The following HSD17B12 variants were observed in gnomAD, a reference collection of about 807,000 sequenced individuals.
HSD17B12 encodes hydroxysteroid 17-beta dehydrogenase 12.
HSD17B12 carries 32 observed loss-of-function variants against 39.3 expected under a neutral mutation model. The ratio of observed to expected loss-of-function variants is 0.81; its 90% CI spans 0.61 to 1.09. HSD17B12 has a LOEUF of 1.09. Ranked by LOEUF, HSD17B12 falls within the 50% of genes least tolerant of loss-of-function variation. HSD17B12 has a pLI of 0.00. For missense variants in HSD17B12, 342 were observed against 382.9 expected (o/e 0.89, Z 0.89); for synonymous variants, 150 against 146.7 (o/e 1.02, Z -0.16).
At chr11:43,850,594 A>G (rs1215997636) in intron 9 of HSD17B12, among the ~76,000 whole-genome samples, 1 of 152,184 alleles carries the variant, frequency 6.6e-6, no homozygotes, top group African/African-American at 2.4e-5. Flanking sequence ...ATGCCCTACC[A>G]TGTTAAGTTC....
chr11:43,744,174 G>C (rs1424410999), intron 1 of HSD17B12, among the ~76,000 whole-genome samples: 2 of 152,148 alleles, frequency 1.3e-5, no homozygotes, highest in African/African-American at 4.8e-5. Flanking sequence ...ATTCTAGGAA[G>C]AGAAAAATGT....
At chr11:43,678,361 A>G (rs1008451260), upstream of HSD17B12, among the ~76,000 whole-genome samples, 1 of 152,114 alleles carries the variant, frequency 6.6e-6, no homozygotes, top group African/African-American at 2.4e-5. Context: ...AGATTGCAAA[A>G]ATTTTCTCCC....
chr11:43,853,328 A>C (rs1404761426), intron 9 of HSD17B12: 2 of 102,510 alleles, frequency 2.0e-5, no homozygotes, highest in African/African-American at 4.0e-5. Flanking sequence ...TCTCGCTGAG[A>C]CTCTGTCTCA....
intron 4 of HSD17B12, among the ~76,000 whole-genome samples, chr11:43,810,485 G>C (rs1218838838): frequency 6.6e-6 from 1 of 151,600 alleles, no homozygotes; most frequent in East Asian, 1.9e-4. Flanking sequence ...GGTTCTGGAT[G>C]GGGGCCGAGG....
At chr11:43,736,998 A>C (rs576725565) in intron 1 of HSD17B12, among the ~76,000 whole-genome samples, 1 of 152,178 alleles carries the variant, frequency 6.6e-6, no homozygotes, top group African/African-American at 2.4e-5. Context: ...ATCATTTTCT[A>C]TTCCTACCAC....
In HSD17B12 at chr11:43,769,541, T is replaced by G. The variant is rs1054146302; in HGVS notation, c.283+15420T>G. ...TTCTCATTCCACTTCTAGATTGTGA[T>G]GTTGATATTTCTAACTGTTCACCCC... On this transcript the variant is annotated intron_variant, in intron 3 of 10. Transcript: ENST00000278353. Among the ~76,000 whole-genome samples, 7 of 152,224 alleles carry G rather than the reference T, an allele frequency of 4.6e-5. No individual in the cohort carries two copies. In the East Asian group the frequency reaches 1.3e-3, roughly 29 times the overall value.
intron 3 of HSD17B12, among the ~76,000 whole-genome samples, chr11:43,787,322 A>G (rs56328665): frequency 0.024 from 3,683 of 152,284 alleles, 65 homozygotes; most frequent in Non-Finnish European, 0.039. Context: ...TTGTATTAAT[A>G]TGTAAAAACT....
chr11:43,640,244 A>T, the HSD17B12 span, among the ~76,000 whole-genome samples: 2 of 152,116 alleles, frequency 1.3e-5, no homozygotes, highest in Non-Finnish European at 2.9e-5. Context: ...CCCCCCTCTA[A>T]AGTTTGAAGT....
the HSD17B12 span, among the ~76,000 whole-genome samples, chr11:43,628,803 AT>A: frequency 3.1e-4 from 47 of 151,724 alleles, no homozygotes; most frequent in African/African-American, 1.1e-3. Context: ...ATAAAATTAA[AT>A]TATTTTTATA....
upstream of HSD17B12, among the ~76,000 whole-genome samples, chr11:43,679,586 C>G (rs747775516): frequency 2.5e-4 from 38 of 152,070 alleles, no homozygotes; most frequent in Non-Finnish European, 4.0e-4. Context: ...CCTGGAAATA[C>G]CACTCCCCCA....
chr11:43,564,762 C>T, the HSD17B12 span, among the ~76,000 whole-genome samples: 1 of 152,118 alleles, frequency 6.6e-6, no homozygotes, highest in East Asian at 1.9e-4. Context: ...AATTGGAACC[C>T]ATATATTTGC....
At chr11:43,577,537 TC>T in the HSD17B12 span, among the ~76,000 whole-genome samples, 1 of 152,154 alleles carries the variant, frequency 6.6e-6, no homozygotes, top group African/African-American at 2.4e-5. Flanking sequence ...GAAAGATTTC[TC>T]CTCGGTGATG....
intron 1 of HSD17B12, among the ~76,000 whole-genome samples, chr11:43,730,421 G>C (rs533979629): frequency 6.6e-6 from 1 of 152,214 alleles, no homozygotes; most frequent in African/African-American, 2.4e-5. Context: ...TGGCAGTCTG[G>C]GGGTTTACCA....
intron 2 of HSD17B12, among the ~76,000 whole-genome samples, chr11:43,752,952 C>T (rs539976363): frequency 6.6e-6 from 1 of 152,234 alleles, no homozygotes; most frequent in Middle Eastern, 3.4e-3. Context: ...ATATCACTCA[C>T]TACTTAATAA....
At chr11:43,830,945 C>A in intron 6 of HSD17B12, 31 bp from the exon 7 acceptor site, 1 of 1,595,204 alleles carries the variant, frequency 6.3e-7, no homozygotes, top group Non-Finnish European at 8.6e-7. Context: ...CATCCTTGGC[C>A]ATCATGAATG....
chr11:43,809,559 C>G (rs1565097187), intron 4 of HSD17B12, among the ~76,000 whole-genome samples: 1 of 152,194 alleles, frequency 6.6e-6, no homozygotes, highest in African/African-American at 2.4e-5. Flanking sequence ...TGGCTCACAC[C>G]TGTAATCCCA....
the HSD17B12 span, among the ~76,000 whole-genome samples, chr11:43,671,238 C>T: frequency 6.6e-6 from 1 of 152,150 alleles, no homozygotes; most frequent in African/African-American, 2.4e-5. Context: ...CATCTTGGCT[C>T]CTGGGTTCAA....
chr11:43,635,847 G>C, the HSD17B12 span, among the ~76,000 whole-genome samples: 2 of 152,096 alleles, frequency 1.3e-5, no homozygotes, highest in Non-Finnish European at 1.5e-5. Context: ...TTCTACCCAG[G>C]TAATGCAATG....
intron 6 of HSD17B12, among the ~76,000 whole-genome samples, chr11:43,824,328 T>C (rs924949742): frequency 1.3e-5 from 2 of 152,208 alleles, no homozygotes; most frequent in African/African-American, 2.4e-5. Context: ...CTTGGAGAAA[T>C]TGAAGGACTA....
Sources: allele counts gnomAD v4.1 joint callset (sites outside exome capture counted in the v4.1 genomes callset), GRCh38; gene constraint gnomAD v4.1.1; transcripts MANE v1.5; gene names NCBI Gene and HGNC (gene_info 2026-07-23, HGNC 2026-07-21).